RAD51B: variants seen among roughly 807,000 people sequenced by gnomAD.
The protein encoded by RAD51B is RAD51 paralog B, also known as DNA repair protein RAD51 homolog 2.
In RAD51B, 38 loss-of-function variants were observed where a neutral mutation model predicts 42.2. The ratio of observed to expected loss-of-function variants is 0.90; its 90% CI spans 0.70 to 1.18. The LOEUF is 1.18. Ranked by LOEUF, RAD51B falls within the 50% of genes most tolerant of loss-of-function variation. The pLI is 0.00. For synonymous variants in RAD51B, 154 were observed against 145.2 expected, an observed-to-expected ratio of 1.06 and a Z score of -0.43; for missense variants, 373 against 400.7, an observed-to-expected ratio of 0.93 and a Z score of 0.59.
chr14:67,872,193 T>C (rs1395170377), intron 5 of RAD51B, among the ~76,000 whole-genome samples: 36 of 149,376 alleles, frequency 2.4e-4, no homozygotes, highest in Admixed American at 6.0e-4. Flanking sequence ...AAAACCCCAT[T>C]GTCTCAGCCG....
At chr14:68,138,499 T>TA (rs992830223) in intron 7 of RAD51B, among the ~76,000 whole-genome samples, 5 of 151,752 alleles carry the variant, frequency 3.3e-5, no homozygotes, top group Middle Eastern at 3.4e-3. Context: ...AAAAGAAACT[T>TA]AAAAAAAAAT....
chr14:68,435,509 T>TG (rs2085125438), intron 9 of RAD51B, among the ~76,000 whole-genome samples: 1 of 151,372 alleles, frequency 6.6e-6, no homozygotes, highest in African/African-American at 2.4e-5. Context: ...TTTTTTTTTT[T>TG]TGGGAGAACA....
At chr14:67,990,062 A>G (rs2075268674) in intron 7 of RAD51B, among the ~76,000 whole-genome samples, 1 of 146,584 alleles carries the variant, frequency 6.8e-6, no homozygotes, top group Admixed American at 6.9e-5. Flanking sequence ...CAGTGGCGCA[A>G]TCTCGGCTCA....
chr14:68,232,510 C>T (rs926758540), intron 7 of RAD51B, among the ~76,000 whole-genome samples: 2 of 152,146 alleles, frequency 1.3e-5, no homozygotes, highest in African/African-American at 4.8e-5. Context: ...ATTTAAGCCT[C>T]GCTGTACATA....
chr14:68,183,169 C>G (rs1320940623), intron 7 of RAD51B, among the ~76,000 whole-genome samples: 3 of 152,160 alleles, frequency 2.0e-5, no homozygotes, highest in South Asian at 2.1e-4. Flanking sequence ...ACAATAGGCT[C>G]TCTGCAAGCT....
chr14:68,236,358 T>G (rs1422337317), intron 7 of RAD51B: 1 of 152,214 alleles, frequency 6.6e-6, no homozygotes, highest in African/African-American at 2.4e-5. Context: ...CTGGGCAAGT[T>G]CAACCCTCCT....
chr14:67,842,759 C>G (rs1356290904), intron 4 of RAD51B, among the ~76,000 whole-genome samples: 1 of 152,102 alleles, frequency 6.6e-6, no homozygotes, highest in Non-Finnish European at 1.5e-5. Context: ...TTATCTTGTT[C>G]TAGTTCTCCC....
intron 8 of RAD51B, among the ~76,000 whole-genome samples, chr14:68,322,555 T>C (rs2082175173): frequency 6.6e-6 from 1 of 152,220 alleles, no homozygotes; most frequent in Non-Finnish European, 1.5e-5. Flanking sequence ...CTGATGGTTG[T>C]GTATCATTCC....
At chr14:68,173,886 C>G (rs944725808) in intron 7 of RAD51B, among the ~76,000 whole-genome samples, 11 of 152,094 alleles carry the variant, frequency 7.2e-5, no homozygotes, top group African/African-American at 2.4e-4. Flanking sequence ...ACATCTGTGG[C>G]CACATATTGG....
chr14:68,197,178 TC>T (rs2079390038), intron 7 of RAD51B, among the ~76,000 whole-genome samples: 1 of 152,302 alleles, frequency 6.6e-6, no homozygotes, highest in Middle Eastern at 3.4e-3. Flanking sequence ...AAAAATATTT[TC>T]TTGTGTTCCC....
Position 68,375,242 on chromosome 14 carries a change from AC to A in RAD51B, c.854-36179del, listed in dbSNP as rs376270085. Among the ~76,000 whole-genome samples, 593 of 151,042 alleles carry A rather than the reference AC, an allele frequency of 3.9e-3. 7 individuals carry two copies. The highest frequency in any genetic ancestry group is 0.014 in the African/African-American group (567 of 41,144). On this transcript the variant is annotated intron_variant, in intron 8 of 10. Coordinates refer to ENST00000471583, the MANE Select transcript of RAD51B (RefSeq NM_133510.4). ...GATGGTAAAGCTGAATTTTCCTAAC[AC>A]CCTCCTTCCCCGCTCTCAGCTTCAG... is the stretch of plus-strand genomic sequence containing the variant.
At chr14:68,155,928 GC>G (rs2078494554) in intron 7 of RAD51B, among the ~76,000 whole-genome samples, 1 of 152,180 alleles carries the variant, frequency 6.6e-6, no homozygotes, top group Non-Finnish European at 1.5e-5. Context: ...GTGTTCATCT[GC>G]CCAGTTTATG....
At chr14:68,519,588 G>T (rs979893513) in intron 10 of RAD51B, among the ~76,000 whole-genome samples, 4 of 152,192 alleles carry the variant, frequency 2.6e-5, no homozygotes, top group Non-Finnish European at 5.9e-5. Context: ...CTGACAACAC[G>T]ACTGGTTCTG....
At chr14:68,666,944 C>A (rs1219059490) in intron 11 of RAD51B, among the ~76,000 whole-genome samples, 2 of 152,178 alleles carry the variant, frequency 1.3e-5, no homozygotes. Flanking sequence ...TCAGGGTTGG[C>A]CTTTTAAAGC....
At chr14:67,875,401 A>C (rs867968674) in intron 5 of RAD51B, among the ~76,000 whole-genome samples, 14 of 152,184 alleles carry the variant, frequency 9.2e-5, no homozygotes, top group Middle Eastern at 3.2e-3. Context: ...TATCTTTAAC[A>C]CCTAGCAAAC....
At chr14:67,870,993 C>T (rs1451686266) in intron 5 of RAD51B, among the ~76,000 whole-genome samples, 1 of 150,718 alleles carries the variant, frequency 6.6e-6, no homozygotes, top group Non-Finnish European at 1.5e-5. Flanking sequence ...AGGAAAGATC[C>T]AAAATTGACA....
intron 8 of RAD51B, among the ~76,000 whole-genome samples, chr14:68,381,522 A>C (rs2083477963): frequency 6.6e-6 from 1 of 152,068 alleles, no homozygotes; most frequent in Non-Finnish European, 1.5e-5. Context: ...AAAAATACAA[A>C]AAAATTAACC....
exon 11 of RAD51B, chr14:68,595,127 T>C: frequency 9.4e-7 from 1 of 1,066,968 alleles, no homozygotes; most frequent in Non-Finnish European, 1.1e-6. Flanking sequence ...TGCCTCAGCA[T>C]GTTAGGAGCG....
chr14:68,655,438 T>A (rs1014876530), intron 11 of RAD51B, among the ~76,000 whole-genome samples: 1 of 152,148 alleles, frequency 6.6e-6, no homozygotes, highest in Non-Finnish European at 1.5e-5. Flanking sequence ...TACTTCTTTC[T>A]TTCTTCAAGA....
Sources: gnomAD v4.1 joint callset for allele counts (sites outside exome capture counted in the v4.1 genomes callset) on GRCh38, gnomAD v4.1.1 for gene constraint, MANE v1.5 for transcripts, NCBI Gene and HGNC (gene_info 2026-07-23, HGNC 2026-07-21) for gene names.